PARVA: variants seen among roughly 807,000 people sequenced by gnomAD.
The protein encoded by PARVA is alpha-parvin.
PARVA carries 25 observed loss-of-function variants against 52.6 expected under a neutral mutation model. The ratio of observed to expected loss-of-function variants is 0.48; its 90% CI spans 0.35 to 0.66. PARVA has a LOEUF of 0.66. Among genes scored for constraint, PARVA ranks in the 30% least tolerant of loss-of-function variants. PARVA has a pLI of 0.01. For synonymous variants in PARVA, 185 were observed against 179.1 expected (o/e 1.03, Z -0.26); for missense variants, 373 against 450.9 (o/e 0.83, Z 1.56).
At chr11:12,507,825 G>T (rs1009381688) in intron 6 of PARVA, among the ~76,000 whole-genome samples, 1 of 152,060 alleles carries the variant, frequency 6.6e-6, no homozygotes, top group South Asian at 2.1e-4. Context: ...CTTCTATCCC[G>T]ATTGACTTTA....
At chr11:12,425,614 C>A (rs889579447) in intron 1 of PARVA, among the ~76,000 whole-genome samples, 1 of 152,140 alleles carries the variant, frequency 6.6e-6, no homozygotes, top group Non-Finnish European at 1.5e-5. Context: ...CTTAAGTGTG[C>A]CTTCATCTTG....
intron 5 of PARVA, among the ~76,000 whole-genome samples, chr11:12,498,982 A>G (rs994279026): frequency 1.3e-5 from 2 of 152,136 alleles, no homozygotes; most frequent in African/African-American, 2.4e-5. Context: ...AGCTGTTTCT[A>G]TTTCATAGGG....
chr11:12,392,499 C>T (rs185889946), intron 1 of PARVA, among the ~76,000 whole-genome samples: 185 of 152,192 alleles, frequency 1.2e-3, no homozygotes, highest in Non-Finnish European at 1.1e-3. Flanking sequence ...GAACTCTTGA[C>T]CTCAAGTGAT....
chr11:12,414,246 T>C (rs1564841507), intron 1 of PARVA, among the ~76,000 whole-genome samples: 1 of 152,212 alleles, frequency 6.6e-6, no homozygotes, highest in Non-Finnish European at 1.5e-5. Flanking sequence ...GTTTTTAAAT[T>C]AAAACAAAAA....
chr11:12,452,031 C>T (rs1478288406), intron 1 of PARVA, among the ~76,000 whole-genome samples: 1 of 151,884 alleles, frequency 6.6e-6, no homozygotes, highest in Non-Finnish European at 1.5e-5. Flanking sequence ...GTGAAGTACC[C>T]CAGATAGTCT....
At chr11:12,398,356 G>A (rs577152319) in intron 1 of PARVA, 1 of 151,850 alleles carries the variant, frequency 6.6e-6, no homozygotes, top group South Asian at 2.1e-4. Flanking sequence ...GGGACCAGGT[G>A]AGGGCCCTGG....
Position 12,477,881 on chromosome 11 carries a change from G to A in PARVA, c.332G>A (p.Gly111Glu), listed in dbSNP as rs762189104. 1 of 1,608,440 alleles carries A rather than the reference G, an allele frequency of 6.2e-7. No homozygotes were observed. ...LIDWINDVLV[G>E]ERIIVKDLAE... Reference sequence around the variant, plus strand: ...GACTGGATTAATGATGTGTTGGTTGGAGAAAGAATCATTGTGAAAGACCTA... The same window carrying A: ...GACTGGATTAATGATGTGTTGGTTGAAGAAAGAATCATTGTGAAAGACCTA... Residue 111 changes from glycine to glutamate, a missense_variant, in exon 4 of 13, where the codon GGA becomes GAA. Physicochemically the swap from Gly to Glu is moderately conservative, Grantham distance 98. Transcript: ENST00000334956.
At chr11:12,418,446 G>A (rs1238124722) in intron 1 of PARVA, among the ~76,000 whole-genome samples, 1 of 152,152 alleles carries the variant, frequency 6.6e-6, no homozygotes, top group African/African-American at 2.4e-5. Flanking sequence ...GGATCCAGCT[G>A]GTCTCATCCC....
intron 1 of PARVA, among the ~76,000 whole-genome samples, chr11:12,463,544 C>T (rs1940812171): frequency 6.6e-6 from 1 of 152,194 alleles, no homozygotes; most frequent in Non-Finnish European, 1.5e-5. Flanking sequence ...GGGTACATAA[C>T]ATCAACATGG....
intron 1 of PARVA, among the ~76,000 whole-genome samples, chr11:12,397,498 A>G (rs1245789572): frequency 6.6e-6 from 1 of 152,212 alleles, no homozygotes; most frequent in Non-Finnish European, 1.5e-5. Context: ...TTAAGTTTGG[A>G]TTTTGCTGGA....
chr11:12,509,794 A>G (rs1468776893), intron 7 of PARVA, among the ~76,000 whole-genome samples: 8 of 152,062 alleles, frequency 5.3e-5, no homozygotes, highest in Non-Finnish European at 7.4e-5. Context: ...TATAGGGCAC[A>G]CCTTGGCCTT....
chr11:12,380,728 C>T (rs1486400493), intron 1 of PARVA, among the ~76,000 whole-genome samples: 1 of 151,692 alleles, frequency 6.6e-6, no homozygotes, highest in African/African-American at 2.4e-5. Context: ...AAGCCAGCCA[C>T]CCCAGATTAG....
intron 1 of PARVA, among the ~76,000 whole-genome samples, chr11:12,411,486 G>A (rs1203985328): frequency 2.6e-5 from 4 of 151,974 alleles, no homozygotes; most frequent in Non-Finnish European, 4.4e-5. Flanking sequence ...TTCTTTTTCT[G>A]TTCCAGGGTT....
At chr11:12,393,043 T>TG (rs1242629814) in intron 1 of PARVA, among the ~76,000 whole-genome samples, 6 of 78,592 alleles carry the variant, frequency 7.6e-5, no homozygotes, top group Non-Finnish European at 1.3e-4. Context: ...CCCCAAATTG[T>TG]GAAAAAAAAA....
intron 6 of PARVA, among the ~76,000 whole-genome samples, chr11:12,506,495 TAC>T (rs1041305348): frequency 2.6e-5 from 4 of 152,250 alleles, no homozygotes; most frequent in African/African-American, 9.6e-5. Flanking sequence ...CTGGAATTAC[TAC>T]AGACTGAATG....
intron 12 of PARVA, among the ~76,000 whole-genome samples, chr11:12,520,885 G>A (rs935207535): frequency 3.3e-5 from 5 of 151,980 alleles, no homozygotes; most frequent in African/African-American, 9.7e-5. Flanking sequence ...CCTGGGAGGC[G>A]GAAGTTGCAC....
At chr11:12,487,587 C>T (rs1941176378) in intron 4 of PARVA, among the ~76,000 whole-genome samples, 1 of 152,202 alleles carries the variant, frequency 6.6e-6, no homozygotes, top group South Asian at 2.1e-4. Context: ...ACATTGCCAT[C>T]ATACCAGATA....
chr11:12,385,366 C>T (rs769615043), intron 1 of PARVA, among the ~76,000 whole-genome samples: 1 of 152,086 alleles, frequency 6.6e-6, no homozygotes, highest in Non-Finnish European at 1.5e-5. Context: ...CAGAATGACC[C>T]AGCTGAGAGA....
chr11:12,499,857 TTA>T (rs1941344669), intron 5 of PARVA, among the ~76,000 whole-genome samples: 3 of 152,194 alleles, frequency 2.0e-5, no homozygotes, highest in Admixed American at 6.5e-5. Context: ...ATCAACCTGT[TTA>T]TGTTGTTTGG....
Sources: allele counts gnomAD v4.1 joint callset (sites outside exome capture counted in the v4.1 genomes callset), GRCh38; gene constraint gnomAD v4.1.1; transcripts MANE v1.5; gene names NCBI Gene and HGNC (gene_info 2026-07-23, HGNC 2026-07-21).